Variants in ABCA8 observed in about 807,000 individuals in gnomAD.
ABCA8 encodes the protein ABC-type organic anion transporter ABCA8.
Under a neutral mutation model 192.3 loss-of-function variants are expected in ABCA8, and 177 were observed. The observed-to-expected ratio is 0.92, with a 90% CI of 0.81 to 1.04. ABCA8 has a LOEUF of 1.04. ABCA8 is among the 50% of genes least tolerant of loss of function. The pLI, the probability that ABCA8 is intolerant of heterozygous loss-of-function variation, is 0.00. For missense variants in ABCA8, 1,915 were observed against 1,904.8 expected, an observed-to-expected ratio of 1.01 and a Z score of -0.10; for synonymous variants, 642 against 690.2, an observed-to-expected ratio of 0.93 and a Z score of 1.09.
chr17:68,887,460 G>A lies in ABCA8; in HGVS notation c.3191C>T (p.Ala1064Val). The A allele has an allele frequency of 6.2e-7, 1 of 1,613,514 alleles. No individual in the cohort carries two copies. Among genetic ancestry groups the A allele is most frequent in the South Asian group, 1.1e-5 (1 of 90,834 alleles). The change falls in exon 25 of 40, where the codon GCT becomes GTT. Residue 1064 changes from alanine (A) to valine (V), a missense_variant. Ala to Val is a moderately conservative substitution (Grantham distance 64). Coordinates refer to ENST00000586539, the MANE Select transcript of ABCA8 (RefSeq NM_001288985.2). ...QLRISGLSPS[A>V]YWFGQALVDV... ...CACCAGCGCCTGCCCAAACCAGTAA[G>A]CAGAAGGGGAGAGTCCGGAAATCCG...
rs894807412 is a variant in ABCA8, at chr17:68,911,122, G to C, written c.2139-3243C>G. ...ACCAGCTTAGCTACAGTGGAGTAGA[G>C]AGCACCAAGCGGACTCCTGGGGTCC... is the stretch of plus-strand genomic sequence containing the variant. On this transcript the variant is annotated intron_variant, in intron 17 of 39. Transcript: ENST00000586539. This position sits in a 1 kb window ranked among gnomAD's most constrained non-coding sequence, Gnocchi z 5.7. Among the ~76,000 whole-genome samples the C allele has an allele frequency of 6.6e-6, 1 of 152,138 alleles. No homozygotes were observed. Among genetic ancestry groups the C allele is most frequent in the Non-Finnish European group, 1.5e-5 (1 of 68,012 alleles).
At chr17:68,900,055 G>A (rs2066866115) in intron 21 of ABCA8, among the ~76,000 whole-genome samples, 1 of 151,990 alleles carries the variant, frequency 6.6e-6, no homozygotes. Context: ...TGAAAAGAGA[G>A]GAACAAGCTA....
intron 1 of ABCA8, among the ~76,000 whole-genome samples, chr17:68,951,225 A>G (rs1598303481): frequency 6.6e-6 from 1 of 152,244 alleles, no homozygotes; most frequent in Non-Finnish European, 1.5e-5. Context: ...AATAGACCAT[A>G]CATATGTTAC....
chr17:68,876,342 T>G (rs1197993773), intron 35 of ABCA8, 118 bp downstream of exon 35: 17 of 1,134,040 alleles, frequency 1.5e-5, no homozygotes, highest in Middle Eastern at 4.0e-4. Flanking sequence ...CAAGTGACAT[T>G]GATAGTTTTT....
intron 2 of ABCA8, among the ~76,000 whole-genome samples, chr17:68,947,414 G>A (rs969116803): frequency 1.3e-5 from 2 of 152,240 alleles, no homozygotes; most frequent in Middle Eastern, 3.4e-3. Flanking sequence ...TAATTTAATT[G>A]TTTATACAAT....
intron 9 of ABCA8, among the ~76,000 whole-genome samples, chr17:68,928,814 T>C (rs999238283): frequency 3.3e-5 from 5 of 152,248 alleles, no homozygotes; most frequent in Admixed American, 6.5e-5. Context: ...AAATACTTTA[T>C]ATTGCCTTTA....
At chr17:68,920,714 G>A (rs1445819648) in intron 13 of ABCA8, among the ~76,000 whole-genome samples, 2 of 152,320 alleles carry the variant, frequency 1.3e-5, no homozygotes, top group Admixed American at 6.5e-5. Flanking sequence ...GTGCTGGAGA[G>A]GATGTGGAGA....
chr17:68,889,254 T>C (rs532182412), intron 24 of ABCA8, among the ~76,000 whole-genome samples: 35 of 152,304 alleles, frequency 2.3e-4, no homozygotes, highest in African/African-American at 7.9e-4. Context: ...ACTTTTTCCA[T>C]AAAGTCACAA....
intron 17 of ABCA8, among the ~76,000 whole-genome samples, chr17:68,910,379 G>C (rs1215858087): frequency 1.3e-5 from 2 of 152,156 alleles, no homozygotes; most frequent in African/African-American, 4.8e-5. Flanking sequence ...CTGTCACAGT[G>C]ACAAGCAACG....
In ABCA8 at chr17:68,929,745, T is replaced by C. The variant is rs969450525; in HGVS notation, c.798-43A>G. 6.5e-6 allele frequency: 10 copies of C among 1,538,884 alleles called. No homozygotes were observed. In the Admixed American group the frequency reaches 1.2e-4, roughly 19 times the overall value. On this transcript the variant is annotated intron_variant, in intron 7 of 39. Coordinates refer to ENST00000586539, the MANE Select transcript of ABCA8 (RefSeq NM_001288985.2). ...TGTTATTTTAGTATTTTATGTTCAC[T>C]TGAAAAGGAAGACCTGAAATGGATT...
chr17:68,884,088 G>A (rs1344363305), intron 28 of ABCA8, among the ~76,000 whole-genome samples: 3 of 152,136 alleles, frequency 2.0e-5, no homozygotes, highest in Non-Finnish European at 4.4e-5. Context: ...ATAGTTATGT[G>A]ATATTATTAC....
Position 68,881,186 on chromosome 17 carries a change from G to C in ABCA8, c.3972C>G (p.His1324Gln). The C allele has an allele frequency of 6.2e-7, 1 of 1,613,592 alleles. No individual in the cohort carries two copies. Among genetic ancestry groups the C allele is most frequent in the Non-Finnish European group, 8.5e-7 (1 of 1,179,640 alleles). The change falls in exon 32 of 40, where the codon CAC becomes CAG. Residue 1324 changes from histidine (H) to glutamine (Q), a missense_variant. Transcript: ENST00000586539. Reference protein sequence around the residue: ...RKGEVLGLLGHNGAGKSTSIK... With the variant: ...RKGEVLGLLGQNGAGKSTSIK... ...TGGATGTGCTTTTACCAGCTCCATT[G>C]TGTCCTAATAATCCTAAAACTTCAC...
intron 22 of ABCA8, chr17:68,894,667 G>A (rs183240473): frequency 4.2e-4 from 230 of 552,770 alleles, no homozygotes; most frequent in Middle Eastern, 2.4e-3. Flanking sequence ...AGTCTTGATA[G>A]TAGGTATTCT....
intron 19 of ABCA8, among the ~76,000 whole-genome samples, chr17:68,905,045 A>G (rs752611316): frequency 3.9e-5 from 6 of 152,230 alleles, no homozygotes; most frequent in Non-Finnish European, 8.8e-5. Context: ...TTCTACCTTT[A>G]AAACATTCGA....
chr17:68,877,819 G>T, intron 32 of ABCA8, 140 bp from the exon 33 acceptor site: 2 of 875,132 alleles, frequency 2.3e-6, no homozygotes, highest in South Asian at 2.7e-5. Context: ...TAATCATTTT[G>T]CATTGGAGAA....
chr17:68,894,381 A>C (rs2066695364), intron 22 of ABCA8, 71 bp from the exon 23 acceptor site: 2 of 1,368,972 alleles, frequency 1.5e-6, no homozygotes, highest in Non-Finnish European at 2.0e-6. Context: ...TCAAAATTTG[A>C]CATGTTAAAT....
In ABCA8 at chr17:68,869,772, A is replaced by T; in HGVS notation, c.4639T>A (p.Ser1547Thr). 6.2e-6 allele frequency: 10 copies of T among 1,611,766 alleles called. No individual in the cohort carries two copies. Among genetic ancestry groups the T allele is most frequent in the Non-Finnish European group, 8.5e-6 (10 of 1,178,014 alleles). Residue 1547 changes from serine (S) to threonine (T), a missense_variant, in exon 38 of 40, where the codon TCT (serine) becomes ACT (threonine). Transcript: ENST00000586539. ...ACTGGCAACTTATAAACCATCAGAG[A>T]GGAGTACCTGAGAGAAAAGGAGAGG... ...PQAARQERYS[S>T]LMVYKLPVED...
intron 17 of ABCA8, 73 bp downstream of exon 17, chr17:68,917,288 T>G (rs554182681): frequency 4.7e-6 from 4 of 845,230 alleles, no homozygotes; most frequent in African/African-American, 1.7e-5. Flanking sequence ...ATTCTTCTTG[T>G]GTGTTGTAAT....
rs1411933890 is a variant in ABCA8, at chr17:68,887,895, TA to T, written c.3145-390del. On this transcript the variant is annotated intron_variant, in intron 24 of 39. Transcript: ENST00000586539. ...TTTCTCTCCTCCATATATATATATA[TA>T]TATATATATATCCATATATATATAT... 6.4e-4 allele frequency among the ~76,000 whole-genome samples: 28 copies of T among 43,762 alleles called. 3 individuals carry two copies. The highest frequency in any genetic ancestry group is 4.5e-3 in the African/African-American group (26 of 5,822). The allele number at this position is 43,762 out of a possible 152,430, so 28.7% of individuals were successfully genotyped here.
Sources: gnomAD v4.1 joint callset for allele counts (sites outside exome capture counted in the v4.1 genomes callset) on GRCh38, gnomAD v4.1.1 for gene constraint, Gnocchi (gnomAD v3.1) non-coding constraint, MANE v1.5 for transcripts, NCBI Gene and HGNC (gene_info 2026-07-23, HGNC 2026-07-21) for gene names.